NALCN: variants seen among roughly 807,000 people sequenced by gnomAD.
The protein encoded by NALCN is sodium leak channel, non-selective, also known as sodium leak channel NALCN.
In NALCN, 111 loss-of-function variants were observed where a neutral mutation model predicts 225.3. The ratio of observed to expected loss-of-function variants is 0.49; its 90% CI spans 0.42 to 0.58. The LOEUF (loss-of-function observed/expected upper bound fraction) is 0.58, where lower values mean the gene tolerates loss of function less well. Ranked by LOEUF, NALCN falls within the 20% of genes least tolerant of loss-of-function variation. The pLI, the probability that NALCN is intolerant of heterozygous loss-of-function variation, is 0.00. For synonymous variants in NALCN, 764 were observed against 769.0 expected (o/e 0.99, Z 0.11); for missense variants, 1,378 against 2,202.4 (o/e 0.63, Z 7.49).
intron 15 of NALCN, among the ~76,000 whole-genome samples, chr13:101,149,732 T>G (rs1322311880): frequency 6.6e-6 from 1 of 152,198 alleles, no homozygotes; most frequent in Admixed American, 6.5e-5. Context: ...GAGCGGCTGC[T>G]TGAAGGGTGA....
intron 2 of NALCN, among the ~76,000 whole-genome samples, chr13:101,396,128 T>C (rs2047285735): frequency 6.6e-6 from 1 of 152,170 alleles, no homozygotes; most frequent in Non-Finnish European, 1.5e-5. Context: ...TACAGGCATG[T>C]CTGCTGTCTG....
At chr13:101,391,313 AC>A (rs1566644769) in intron 3 of NALCN, among the ~76,000 whole-genome samples, 1 of 152,188 alleles carries the variant, frequency 6.6e-6, no homozygotes, top group Non-Finnish European at 1.5e-5. Flanking sequence ...AAATAATTAA[AC>A]AAAATAAATA....
At chr13:101,229,252 A>T in intron 13 of NALCN, 141 bp downstream of exon 13, 1 of 804,320 alleles carries the variant, frequency 1.2e-6, no homozygotes, top group Non-Finnish European at 1.8e-6. Context: ...AGACAATTTT[A>T]AATATTAAAA....
chr13:101,336,658 T>C (rs1379271396), intron 7 of NALCN, among the ~76,000 whole-genome samples: 1 of 152,180 alleles, frequency 6.6e-6, no homozygotes, highest in Non-Finnish European at 1.5e-5. Flanking sequence ...GCTTTATAAT[T>C]TTTTCGTAAA....
intron 17 of NALCN, among the ~76,000 whole-genome samples, chr13:101,136,612 C>T (rs577200230): frequency 2.5e-3 from 381 of 152,224 alleles, no homozygotes; most frequent in African/African-American, 8.4e-3. Flanking sequence ...GCTTCATCCA[C>T]GTCCCTACAA....
intron 14 of NALCN, among the ~76,000 whole-genome samples, chr13:101,178,956 G>A (rs2039077893): frequency 6.6e-6 from 1 of 152,144 alleles, no homozygotes; most frequent in Non-Finnish European, 1.5e-5. Flanking sequence ...GAGGTTTCGT[G>A]GGTTGGCAGG....
chr13:101,238,239 G>T (rs746423592), intron 11 of NALCN, among the ~76,000 whole-genome samples: 30 of 151,680 alleles, frequency 2.0e-4, no homozygotes, highest in Non-Finnish European at 3.8e-4. Flanking sequence ...TACACAAAAG[G>T]CTGAATTTTT....
intron 6 of NALCN, among the ~76,000 whole-genome samples, chr13:101,347,947 T>A (rs191941590): frequency 1.2e-4 from 18 of 152,210 alleles, no homozygotes; most frequent in Admixed American, 9.2e-4. Context: ...TAAAGACTTG[T>A]TAAAAGAGGA....
rs150798007 is a variant in NALCN, at chr13:101,367,126, T to A, written c.644+9574A>T. On this transcript the variant is annotated intron_variant, in intron 6 of 43. Transcript: ENST00000251127. ...ATGACAGAATTTCTTTTTTTATTTT[T>A]TTTTATTTTTTTAATTTTAATATAT... Among the ~76,000 whole-genome samples, 138 of 151,944 alleles carry A rather than the reference T, an allele frequency of 9.1e-4. 1 individual carries two copies. In the East Asian group the frequency reaches 0.013, roughly 15 times the overall value.
intron 9 of NALCN, among the ~76,000 whole-genome samples, chr13:101,289,941 G>A (rs910939470): frequency 6.6e-6 from 1 of 152,164 alleles, no homozygotes; most frequent in East Asian, 1.9e-4. Flanking sequence ...GGGGCCTGAA[G>A]CTCGTTGCTA....
intron 28 of NALCN, among the ~76,000 whole-genome samples, chr13:101,090,369 G>A (rs1018604604): frequency 1.3e-5 from 2 of 152,176 alleles, no homozygotes; most frequent in African/African-American, 4.8e-5. Flanking sequence ...GATTTTGGAT[G>A]TGGATTTTGA....
intron 10 of NALCN, among the ~76,000 whole-genome samples, chr13:101,262,202 T>C (rs1043160025): frequency 2.6e-5 from 4 of 152,244 alleles, no homozygotes; most frequent in African/African-American, 9.6e-5. Context: ...AAATCCGACT[T>C]GGTCATAATC....
chr13:101,120,896 A>G (rs541038249), intron 18 of NALCN, among the ~76,000 whole-genome samples: 3 of 152,260 alleles, frequency 2.0e-5, no homozygotes, highest in Non-Finnish European at 4.4e-5. Flanking sequence ...TCCTCAACTC[A>G]TATCAAGAAT....
rs150793959 is a variant in NALCN, at chr13:101,262,824, G to A, written c.1135-4250C>T. Among the ~76,000 whole-genome samples the A allele has an allele frequency of 7.4e-3, 1,128 of 152,214 alleles. 11 individuals carry two copies. Among genetic ancestry groups the A allele is most frequent in the South Asian group, 0.028 (133 of 4,818 alleles). On this transcript the variant is annotated intron_variant, in intron 10 of 43. Transcript: ENST00000251127. ...ACTTACTGGCACTGTGGCCCCAGGG[G>A]AGTTACTTAAACCTCTGTTTTCTCA... is the stretch of plus-strand genomic sequence containing the variant.
intron 41 of NALCN, 107 bp from the exon 42 acceptor site, chr13:101,060,074 G>A (rs2274085): frequency 3.2e-6 from 4 of 1,255,382 alleles, no homozygotes; most frequent in African/African-American, 1.5e-5. Flanking sequence ...CCTGCATGAC[G>A]GGTGACCTCT....
At chr13:101,222,280 A>C (rs2040969688) in intron 13 of NALCN, among the ~76,000 whole-genome samples, 1 of 152,120 alleles carries the variant, frequency 6.6e-6, no homozygotes, top group African/African-American at 2.4e-5. Context: ...CACAGTCTAC[A>C]AGATATGGTC....
Position 101,395,346 on chromosome 13 carries a change from C to G in NALCN, c.128G>C (p.Arg43Pro). 1.2e-6 allele frequency: 2 copies of G among 1,613,580 alleles called. No individual in the cohort carries two copies. The highest frequency in any genetic ancestry group is 1.3e-5 in the African/African-American group (1 of 74,998). Residue 43 changes from arginine (R) to proline (P), a missense_variant, in exon 3 of 44, where the codon CGC (arginine) becomes CCC (proline). Around this residue, in one of 19 missense-constraint regions of NALCN, gnomAD observed 146 missense variants for 205.9 expected, o/e 0.71. Coordinates refer to ENST00000251127, the MANE Select transcript of NALCN (RefSeq NM_052867.4). ...INKPWVHSLL[R>P]ICAIISVISV... ...AATGACGCTGATGATGGCACAGATG[C>G]GCAGCAAAGAGTGAACCCACTGCAA... is the stretch of plus-strand genomic sequence containing the variant.
intron 13 of NALCN, among the ~76,000 whole-genome samples, chr13:101,218,783 G>A (rs891078861): frequency 2.0e-5 from 3 of 152,034 alleles, no homozygotes; most frequent in African/African-American, 7.3e-5. Context: ...TGCTGTGATT[G>A]TAAGTTTCTT....
Position 101,398,261 on chromosome 13 carries a change from G to T in NALCN, c.108+758C>A, listed in dbSNP as rs953229634. Among the ~76,000 whole-genome samples the T allele has an allele frequency of 3.9e-5, 6 of 152,320 alleles. 1 individual carries two copies. Among genetic ancestry groups the T allele is most frequent in the South Asian group, 4.1e-4 (2 of 4,830 alleles). On this transcript the variant is annotated intron_variant, in intron 2 of 43. Transcript: ENST00000251127. ...TAACCTGGAGGGCAGATTAGAGGAA[G>T]AGAGACTGGGAAGGACAGCAAAGAG...
Sources: allele counts gnomAD v4.1 joint callset (sites outside exome capture counted in the v4.1 genomes callset), GRCh38; gene constraint gnomAD v4.1.1; regional missense constraint gnomAD v4.1.1; transcripts MANE v1.5; gene names NCBI Gene and HGNC (gene_info 2026-07-23, HGNC 2026-07-21).